The following KIF13A variants were observed in gnomAD, a reference collection of about 807,000 sequenced individuals.
KIF13A encodes kinesin family member 13A.
KIF13A carries 79 observed loss-of-function variants against 212.2 expected under a neutral mutation model. That is an observed-to-expected ratio of 0.37 (90% CI 0.31 to 0.45). KIF13A has a LOEUF of 0.45. Ranked by LOEUF, KIF13A falls within the 20% of genes least tolerant of loss-of-function variation. The pLI is 1.00. For synonymous variants in KIF13A, 789 were observed against 808.6 expected (o/e 0.98, Z 0.41); for missense variants, 1,901 against 2,209.0 (o/e 0.86, Z 2.79).
In KIF13A at chr6:17,787,976, A is replaced by G; in HGVS notation, c.3262-101T>C. 1.3e-6 allele frequency: 1 copy of G among 744,228 alleles called. No individual in the cohort carries two copies. Among genetic ancestry groups the G allele is most frequent in the East Asian group, 2.5e-5 (1 of 40,674 alleles). 46.1% of individuals were successfully genotyped at this position (744,228 alleles called of 1,614,324 possible). A position where few individuals can be genotyped will look rare whatever the true frequency, so the allele number is the denominator to read the frequency against. ...GTTTAAATCAACTAGGAAATTTTTC[A>G]TTAGGAAAAGCTGTTGAACATTGCT... On this transcript the variant is annotated intron_variant, in intron 26 of 38. Coordinates refer to ENST00000259711, the MANE Select transcript of KIF13A (RefSeq NM_022113.6). This position sits in a 1 kb window ranked among gnomAD's most constrained non-coding sequence, Gnocchi z 4.6.
At chr6:17,904,274 C>A (rs1288272490) in intron 2 of KIF13A, among the ~76,000 whole-genome samples, 1 of 151,962 alleles carries the variant, frequency 6.6e-6, no homozygotes, top group African/African-American at 2.4e-5. Context: ...TCAAGACCAG[C>A]CTGGCCAAGA....
chr6:17,913,512 C>T (rs1774252102), intron 2 of KIF13A, among the ~76,000 whole-genome samples: 1 of 152,114 alleles, frequency 6.6e-6, no homozygotes, highest in African/African-American at 2.4e-5. Flanking sequence ...TTAAAAAGTT[C>T]CACCCCTGCT....
chr6:17,814,548 GGT>G (rs1429892710), intron 17 of KIF13A, among the ~76,000 whole-genome samples: 3 of 136,882 alleles, frequency 2.2e-5, no homozygotes, highest in Non-Finnish European at 4.7e-5. Flanking sequence ...CGCCCAGCCA[GGT>G]GTTGCTTTTA....
At chr6:17,901,460 C>A (rs548570310) in intron 2 of KIF13A, among the ~76,000 whole-genome samples, 3 of 152,142 alleles carry the variant, frequency 2.0e-5, no homozygotes, top group Admixed American at 6.5e-5. Context: ...TGGGTTTCTA[C>A]ATAAACAAAA....
intron 4 of KIF13A, among the ~76,000 whole-genome samples, chr6:17,869,513 G>A (rs1291332167): frequency 2.0e-5 from 3 of 152,098 alleles, no homozygotes; most frequent in African/African-American, 7.2e-5. Context: ...CAGAAGGATC[G>A]TGAGATTCAG....
intron 2 of KIF13A, among the ~76,000 whole-genome samples, chr6:17,964,442 A>AAT (rs374114406): frequency 2.2e-4 from 33 of 151,204 alleles, no homozygotes; most frequent in South Asian, 4.2e-4. Context: ...ATTGCCCTCA[A>AAT]ATATATATAT....
intron 2 of KIF13A, among the ~76,000 whole-genome samples, chr6:17,923,239 A>G (rs893649588): frequency 2.0e-5 from 3 of 151,976 alleles, no homozygotes; most frequent in East Asian, 3.9e-4. Context: ...GTGCCACTGT[A>G]CCCCAGCCTA....
At position 17,987,375 on chromosome 6, in the gene KIF13A, G is replaced by T; in HGVS notation, c.55+34C>A. 2 of 1,328,512 alleles carry T rather than the reference G, an allele frequency of 1.5e-6. No individual in the cohort carries two copies. The highest frequency in any genetic ancestry group is 2.0e-6 in the Non-Finnish European group (2 of 1,008,046). The allele number at this position is 1,328,512 out of a possible 1,614,324, so 82.3% of individuals were successfully genotyped here. ...CTAAAGTTGCCCCCGCCCTCAGCCC[G>T]AGCAGAAATAAAAAAGAGCGGAAAG... On this transcript the variant is annotated intron_variant, in intron 1 of 38. Transcript: ENST00000259711. The surrounding 1 kb of genome is among the most constrained non-coding windows in gnomAD (Gnocchi z 7.7).
intron 3 of KIF13A, among the ~76,000 whole-genome samples, chr6:17,889,901 T>C (rs997968087): frequency 6.6e-6 from 1 of 152,290 alleles, no homozygotes; most frequent in South Asian, 2.1e-4. Context: ...CTCTAGCACT[T>C]TGGGAGGCCG....
At chr6:17,938,826 T>C (rs1238441108) in intron 2 of KIF13A, among the ~76,000 whole-genome samples, 1 of 152,122 alleles carries the variant, frequency 6.6e-6, no homozygotes, top group East Asian at 1.9e-4. Context: ...TGAATTTTTT[T>C]TTTTTTTTTT....
rs1334750908 is a variant in KIF13A, at chr6:17,808,876, A to T, written c.2055T>A (p.Ala685=). Residue 685 remains alanine, a synonymous_variant, in exon 18 of 39, where the codon GCT becomes GCA. Coordinates refer to ENST00000259711, the MANE Select transcript of KIF13A (RefSeq NM_022113.6). ...LAKLREQLVK[A]NTLVREANFL... ...AGTTTGCTTCCCTCACCAAGGTATT[A>T]GCTTTAACCAGCTGCTCTCGCAGTT... 1 of 1,613,550 alleles carries T rather than the reference A, an allele frequency of 6.2e-7. No individual in the cohort carries two copies. The highest frequency in any genetic ancestry group is 1.1e-5 in the South Asian group (1 of 90,960).
chr6:17,891,450 C>G (rs937139879), intron 3 of KIF13A, among the ~76,000 whole-genome samples: 2 of 152,214 alleles, frequency 1.3e-5, no homozygotes, highest in African/African-American at 4.8e-5. Context: ...TTCATCTTCT[C>G]CTTGCCCTAA....
rs756106628 is a variant in KIF13A at position 17,852,055 on chromosome 6, G to A, written c.495-13C>T. On this transcript the variant is annotated splice_polypyrimidine_tract_variant and intron_variant, in intron 6 of 38. Coordinates refer to ENST00000259711, the MANE Select transcript of KIF13A (RefSeq NM_022113.6). ...AGACTGTCTACTCCTGCGGGAGGGA[G>A]GAAAAAGGAATAAATGAATCACACC... The A allele has an allele frequency of 1.4e-6, 2 of 1,380,792 alleles. No homozygotes were observed. Among genetic ancestry groups the A allele is most frequent in the South Asian group, 1.6e-5 (1 of 61,952 alleles). The allele number at this position is 1,380,792 out of a possible 1,614,324, so 85.5% of individuals were successfully genotyped here. A position where few individuals can be genotyped will look rare whatever the true frequency, so the allele number is the denominator to read the frequency against.
chr6:17,980,157 C>T (rs1445597815), intron 2 of KIF13A, among the ~76,000 whole-genome samples: 2 of 152,038 alleles, frequency 1.3e-5, no homozygotes, highest in Non-Finnish European at 2.9e-5. Context: ...AACTAGGTCA[C>T]GTCCAAAGGA....
Position 17,961,212 on chromosome 6 carries a change from G to A in KIF13A, c.146+25842C>T, listed in dbSNP as rs1056375935. Among the ~76,000 whole-genome samples the A allele has an allele frequency of 6.6e-6, 1 of 152,198 alleles. No homozygotes were observed. The highest frequency in any genetic ancestry group is 6.5e-5 in the Admixed American group (1 of 15,276). ...TCAAACTGGAGAAAATACGGAAGTG[G>A]AAACTGGGATGTGCAGCTTAATGAG... On this transcript the variant is annotated intron_variant, in intron 2 of 38. Coordinates refer to ENST00000259711, the MANE Select transcript of KIF13A (RefSeq NM_022113.6). The surrounding 1 kb of genome is among the most constrained non-coding windows in gnomAD (Gnocchi z 4.1).
intron 2 of KIF13A, 98 bp downstream of exon 2, chr6:17,986,956 C>T: frequency 1.2e-6 from 1 of 843,002 alleles, no homozygotes; most frequent in Non-Finnish European, 2.0e-6. Context: ...AAGCCGTCCT[C>T]CTAACAATAG....
chr6:17,831,381 T>C, intron 12 of KIF13A, 146 bp from the exon 13 acceptor site: 1 of 887,218 alleles, frequency 1.1e-6, no homozygotes. Context: ...TAACAGAGAG[T>C]CTACAGTGCA....
chr6:17,948,557 CTTT>C (rs71002289), intron 2 of KIF13A, among the ~76,000 whole-genome samples: 46 of 84,144 alleles, frequency 5.5e-4, no homozygotes, highest in Non-Finnish European at 8.1e-4. Context: ...CATCCATTTA[CTTT>C]TTTTTTTTTT....
intron 13 of KIF13A, among the ~76,000 whole-genome samples, chr6:17,830,371 G>A (rs1765340084): frequency 6.6e-6 from 1 of 152,144 alleles, no homozygotes; most frequent in Non-Finnish European, 1.5e-5. Flanking sequence ...GTTTATGTTT[G>A]TAGTTTAAAA....
Sources: allele counts gnomAD v4.1 joint callset (sites outside exome capture counted in the v4.1 genomes callset), GRCh38; gene constraint gnomAD v4.1.1; non-coding constraint Gnocchi (gnomAD v3.1); transcripts MANE v1.5; gene names NCBI Gene and HGNC (gene_info 2026-07-23, HGNC 2026-07-21).